Variants in DENND5B observed in about 807,000 individuals in gnomAD.
DENND5B encodes the protein DENN domain containing 5B.
Under a neutral mutation model 140.6 loss-of-function variants are expected in DENND5B, and 34 were observed. The observed-to-expected ratio is 0.24, with a 90% confidence interval of 0.18 to 0.32. DENND5B has a LOEUF of 0.32. DENND5B is among the 10% of genes least tolerant of loss of function. DENND5B has a pLI of 1.00. For missense variants in DENND5B, 1,142 were observed against 1,560.2 expected (o/e 0.73, Z 4.52); for synonymous variants, 551 against 562.1 (o/e 0.98, Z 0.28).
intron 4 of DENND5B, among the ~76,000 whole-genome samples, chr12:31,455,152 T>A (rs537655141): frequency 6.6e-6 from 1 of 152,190 alleles, no homozygotes; most frequent in South Asian, 2.1e-4. Flanking sequence ...AGAAAAAATT[T>A]ACTAATTTGC....
intron 1 of DENND5B, among the ~76,000 whole-genome samples, chr12:31,570,523 C>T (rs1369118735): frequency 1.3e-5 from 2 of 150,964 alleles, no homozygotes; most frequent in East Asian, 2.0e-4. Flanking sequence ...GTGATCCACC[C>T]GCCTCGGCCT....
intron 1 of DENND5B, among the ~76,000 whole-genome samples, chr12:31,562,568 C>A (rs145396031): frequency 1.7e-3 from 253 of 151,870 alleles, no homozygotes; most frequent in Non-Finnish European, 2.9e-3. Flanking sequence ...GAGCCGAGAT[C>A]GCACCATTGC....
intron 1 of DENND5B, among the ~76,000 whole-genome samples, chr12:31,528,087 G>GT (rs1948149836): frequency 6.6e-6 from 1 of 152,252 alleles, no homozygotes; most frequent in Non-Finnish European, 1.5e-5. Flanking sequence ...AATGGCTGCT[G>GT]TAACAAATGA....
At chr12:31,398,727 T>C (rs1169577420) in intron 16 of DENND5B, among the ~76,000 whole-genome samples, 2 of 152,206 alleles carry the variant, frequency 1.3e-5, no homozygotes, top group Admixed American at 1.3e-4. Context: ...CCACTGAAAT[T>C]ATTTTAGGCT....
chr12:31,457,151 G>A (rs986248025), intron 4 of DENND5B, among the ~76,000 whole-genome samples: 3 of 152,208 alleles, frequency 2.0e-5, no homozygotes, highest in Non-Finnish European at 4.4e-5. Flanking sequence ...AAGCAGCTCT[G>A]TTTCAGTTTT....
intron 1 of DENND5B, among the ~76,000 whole-genome samples, chr12:31,511,955 G>A (rs557963220): frequency 1.2e-4 from 13 of 108,780 alleles, no homozygotes; most frequent in Admixed American, 8.8e-4. Flanking sequence ...ACGGAGTCTC[G>A]CTCTATTGCC....
At chr12:31,582,407 C>G (rs1451354571) in intron 1 of DENND5B, among the ~76,000 whole-genome samples, 2 of 152,126 alleles carry the variant, frequency 1.3e-5, no homozygotes, top group Non-Finnish European at 2.9e-5. Flanking sequence ...TATGGTTTCA[C>G]AAGCATTCAT....
chr12:31,433,040 TA>T, intron 8 of DENND5B, 114 bp downstream of exon 8: 1 of 901,182 alleles, frequency 1.1e-6, no homozygotes, highest in Non-Finnish European at 1.7e-6. Context: ...AAACTATAAC[TA>T]AACAGTTTTT....
At chr12:31,565,741 T>C (rs566910738) in intron 1 of DENND5B, among the ~76,000 whole-genome samples, 1 of 152,312 alleles carries the variant, frequency 6.6e-6, no homozygotes, top group East Asian at 1.9e-4. Flanking sequence ...ATCTCTGTTG[T>C]GGTTCTAATT....
At chr12:31,442,742 T>G (rs1944090988) in intron 7 of DENND5B, 33 bp downstream of exon 7, 5 of 1,600,710 alleles carry the variant, frequency 3.1e-6, no homozygotes, top group African/African-American at 1.3e-5. Flanking sequence ...ATTCATTCCT[T>G]CAACCAACTA....
intron 3 of DENND5B, among the ~76,000 whole-genome samples, chr12:31,461,586 T>C (rs1468325127): frequency 6.6e-6 from 1 of 152,214 alleles, no homozygotes; most frequent in Non-Finnish European, 1.5e-5. Flanking sequence ...ATATGAACTA[T>C]CTAGGGCAGT....
At chr12:31,443,430 AG>A (rs1173188526) in intron 6 of DENND5B, among the ~76,000 whole-genome samples, 1 of 152,200 alleles carries the variant, frequency 6.6e-6, no homozygotes, top group Non-Finnish European at 1.5e-5. Context: ...AAGTATAAAA[AG>A]TTAACTTTAA....
At chr12:31,510,365 G>A (rs1375013651) in intron 1 of DENND5B, among the ~76,000 whole-genome samples, 2 of 152,102 alleles carry the variant, frequency 1.3e-5, no homozygotes. Flanking sequence ...ACCCAGGCTG[G>A]AGTGCAATGG....
intron 7 of DENND5B, among the ~76,000 whole-genome samples, chr12:31,439,712 C>T (rs1467888102): frequency 6.6e-6 from 1 of 151,930 alleles, no homozygotes; most frequent in East Asian, 1.9e-4. Context: ...GGCGGATAAC[C>T]TGAGGTCAGG....
chr12:31,587,580 C>A (rs1290570609), intron 1 of DENND5B, among the ~76,000 whole-genome samples: 1 of 131,502 alleles, frequency 7.6e-6, no homozygotes, highest in Non-Finnish European at 1.6e-5. Context: ...CAGAGTCTCC[C>A]TCTGTTGCCC....
intron 1 of DENND5B, among the ~76,000 whole-genome samples, chr12:31,539,283 C>T (rs898724545): frequency 1.3e-5 from 2 of 152,126 alleles, no homozygotes; most frequent in Admixed American, 1.3e-4. Context: ...CTGATGGCTT[C>T]ACTACAGAAG....
intron 7 of DENND5B, among the ~76,000 whole-genome samples, chr12:31,436,745 G>C (rs1474028376): frequency 6.6e-6 from 1 of 151,670 alleles, no homozygotes; most frequent in Non-Finnish European, 1.5e-5. Context: ...ATGTTGGCCA[G>C]GCTGGTCTGG....
chr12:31,580,374 AC>A (rs1476796776), intron 1 of DENND5B, among the ~76,000 whole-genome samples: 9 of 152,238 alleles, frequency 5.9e-5, no homozygotes, highest in African/African-American at 2.2e-4. Flanking sequence ...TTAGCCCTTC[AC>A]AAAGCTGTTA....
At chr12:31,574,560 A>C (rs969731122) in intron 1 of DENND5B, among the ~76,000 whole-genome samples, 4 of 152,158 alleles carry the variant, frequency 2.6e-5, no homozygotes, top group East Asian at 1.9e-4. Flanking sequence ...ACCGCACTCC[A>C]GCCTGGGTGA....
Sources: allele counts gnomAD v4.1 joint callset (sites outside exome capture counted in the v4.1 genomes callset), GRCh38; gene constraint gnomAD v4.1.1; transcripts MANE v1.5; gene names NCBI Gene and HGNC (gene_info 2026-07-23, HGNC 2026-07-21).